Variants in ABCC4 observed in about 807,000 individuals in gnomAD.
ABCC4 encodes the protein ATP-binding cassette sub-family C member 4.
In ABCC4, 102 loss-of-function variants were observed where a neutral mutation model predicts 168.5. The ratio of observed to expected loss-of-function variants is 0.61; its 90% CI spans 0.52 to 0.71. The LOEUF (loss-of-function observed/expected upper bound fraction) is 0.71, where lower values mean the gene tolerates loss of function less well. Among genes scored for constraint, ABCC4 ranks in the 30% least tolerant of loss-of-function variants. ABCC4 has a pLI of 0.00. For synonymous variants in ABCC4, 617 were observed against 590.7 expected (o/e 1.04, Z -0.65); for missense variants, 1,402 against 1,605.8 (o/e 0.87, Z 2.17).
intron 3 of ABCC4, among the ~76,000 whole-genome samples, chr13:95,239,844 T>C (rs2039881609): frequency 6.6e-6 from 1 of 152,240 alleles, no homozygotes; most frequent in Non-Finnish European, 1.5e-5. Flanking sequence ...GAGTTGATAA[T>C]GGCAAAGTTT....
intron 12 of ABCC4, 52 bp from the exon 13 acceptor site, chr13:95,177,845 C>T: frequency 6.5e-7 from 1 of 1,546,544 alleles, no homozygotes; most frequent in South Asian, 1.1e-5. Context: ...TGACAACTTT[C>T]AACAACTGGG....
intron 20 of ABCC4, among the ~76,000 whole-genome samples, chr13:95,088,460 G>C (rs2034327957): frequency 6.6e-6 from 1 of 152,122 alleles, no homozygotes; most frequent in South Asian, 2.1e-4. Context: ...CACTTTTCAA[G>C]TGCATCTTTA....
intron 4 of ABCC4, among the ~76,000 whole-genome samples, chr13:95,224,769 G>C (rs1170207939): frequency 2.0e-5 from 3 of 151,718 alleles, no homozygotes; most frequent in Admixed American, 2.0e-4. Context: ...AATGCTAATA[G>C]ATGTTTTACA....
intron 9 of ABCC4, among the ~76,000 whole-genome samples, chr13:95,191,818 G>C (rs2038259992): frequency 6.6e-6 from 1 of 152,092 alleles, no homozygotes; most frequent in Non-Finnish European, 1.5e-5. Context: ...TTCAGTTTTG[G>C]CTGCAAAAGA....
intron 8 of ABCC4, among the ~76,000 whole-genome samples, chr13:95,199,751 A>G (rs1004244138): frequency 5.9e-5 from 9 of 152,202 alleles, no homozygotes; most frequent in Non-Finnish European, 8.8e-5. Flanking sequence ...TGGGCCCCCA[A>G]TGCATTCCCC....
intron 1 of ABCC4, among the ~76,000 whole-genome samples, chr13:95,275,025 C>T (rs1421062262): frequency 3.3e-5 from 5 of 152,064 alleles, no homozygotes; most frequent in Admixed American, 2.0e-4. Context: ...TGCAGTGAGC[C>T]GAGATTGTGC....
rs1566355114 is a variant in ABCC4, at chr13:95,029,180, A to ATCTATATC, written c.3870+5424_3870+5425insGATATAGA. On this transcript the variant is annotated intron_variant, in intron 30 of 30. Coordinates refer to ENST00000645237, the MANE Select transcript of ABCC4 (RefSeq NM_005845.5). ...TTAAAAAAAATACATATATATATAT[A>ATCTATATC]TATATATATATATATATATATATAT... Among the ~76,000 whole-genome samples the ATCTATATC allele has an allele frequency of 8.9e-3, 367 of 41,392 alleles. 5 individuals are homozygous for ATCTATATC. Among genetic ancestry groups the ATCTATATC allele is most frequent in the African/African-American group, 0.019 (214 of 11,066 alleles). The allele number at this position is 41,392 out of a possible 152,430, so 27.2% of individuals were successfully genotyped here.
chr13:95,148,397 T>A (rs538724543), intron 19 of ABCC4, among the ~76,000 whole-genome samples: 2 of 152,310 alleles, frequency 1.3e-5, no homozygotes, highest in African/African-American at 4.8e-5. Context: ...CATATAGTGA[T>A]TTAAATCCCC....
At chr13:95,031,489 TC>T (rs1367681448) in intron 30 of ABCC4, among the ~76,000 whole-genome samples, 1 of 152,176 alleles carries the variant, frequency 6.6e-6, no homozygotes, top group Non-Finnish European at 1.5e-5. Flanking sequence ...TGACCCAACA[TC>T]CTCATCAATA....
At chr13:95,073,504 TA>T (rs2033800069) in intron 23 of ABCC4, 200 bp from the exon 24 acceptor site, 11 of 385,880 alleles carry the variant, frequency 2.9e-5, no homozygotes, top group Non-Finnish European at 4.6e-5. Flanking sequence ...GAAAAATTTT[TA>T]GATGATTTTA....
chr13:95,190,417 T>G (rs1191813848), intron 9 of ABCC4, among the ~76,000 whole-genome samples: 1 of 152,194 alleles, frequency 6.6e-6, no homozygotes, highest in Non-Finnish European at 1.5e-5. Flanking sequence ...TCTAAATATT[T>G]TCAATTGAGA....
rs2033868821 is a variant in ABCC4 at position 95,075,535 on chromosome 13, A to T, written c.2703T>A (p.Phe901Leu). 1.2e-6 allele frequency: 2 copies of T among 1,613,980 alleles called. No individual in the cohort carries two copies. Among genetic ancestry groups the T allele is most frequent in the Non-Finnish European group, 1.7e-6 (2 of 1,179,984 alleles). The change falls in exon 22 of 31, where the codon TTT becomes TTA. Residue 901 changes from phenylalanine to leucine, a missense_variant. Physicochemically the swap from Phe to Leu is conservative, Grantham distance 22. Transcript: ENST00000645237. Reference sequence around the variant, plus strand: ...CCTGGAGAGAAGATGATAAGTGGGAAAACACTGGACTCCGAGCTGGGGAAA... The same window carrying T: ...CCTGGAGAGAAGATGATAAGTGGGATAACACTGGACTCCGAGCTGGGGAAA... The part of the protein sequence containing the change: ...RLESTTRSPV[F>L]SHLSSSLQGL...
intron 19 of ABCC4, among the ~76,000 whole-genome samples, chr13:95,149,673 A>T: frequency 6.6e-6 from 1 of 152,236 alleles, no homozygotes; most frequent in East Asian, 1.9e-4. Context: ...ACTGCTGCTG[A>T]TCAAGGCGTG....
chr13:95,266,533 T>C (rs955941317), intron 1 of ABCC4, among the ~76,000 whole-genome samples: 2 of 152,212 alleles, frequency 1.3e-5, no homozygotes, highest in African/African-American at 4.8e-5. Flanking sequence ...ACAGTGCTGT[T>C]ATCACCATTC....
At chr13:95,281,513 T>C (rs2041126131) in intron 1 of ABCC4, among the ~76,000 whole-genome samples, 1 of 152,012 alleles carries the variant, frequency 6.6e-6, no homozygotes, top group Admixed American at 6.6e-5. Flanking sequence ...TGCTTGTCTG[T>C]AGTAATTCAG....
intron 19 of ABCC4, among the ~76,000 whole-genome samples, chr13:95,126,742 T>TTCCA (rs1566443665): frequency 9.2e-5 from 10 of 108,482 alleles, no homozygotes; most frequent in Admixed American, 2.4e-4. Flanking sequence ...TATATATATA[T>TTCCA]ATATATATAT....
At chr13:95,207,707 T>A (rs946225949) in intron 7 of ABCC4, 93 bp downstream of exon 7, 9 of 1,376,588 alleles carry the variant, frequency 6.5e-6, no homozygotes, top group Non-Finnish European at 9.0e-6. Flanking sequence ...GAACTTCCCA[T>A]AATGTGAAAA....
At position 95,178,083 on chromosome 13, in the gene ABCC4, C is replaced by A; in HGVS notation, c.1554G>T (p.Gln518His). ...CAGTCAGATCACCATCCTCCAACAG[C>A]TGTAAATCCTGTATGGACAAAGGAA... Reference protein sequence around the residue: ...IKACALKKDLQLLEDGDLTVI... With the variant: ...IKACALKKDLHLLEDGDLTVI... The change falls in exon 12 of 31, where the codon CAG becomes CAT. Residue 518 changes from glutamine to histidine, a missense_variant. Gln to His is a conservative substitution (Grantham distance 24, BLOSUM62 0). Around this residue, in one of 3 missense-constraint regions of ABCC4, gnomAD observed 1,007 missense variants for 1,127.3 expected, o/e 0.89. Transcript: ENST00000645237. 2 of 1,614,064 alleles carry A rather than the reference C, an allele frequency of 1.2e-6. No homozygotes were observed. Among genetic ancestry groups the A allele is most frequent in the Non-Finnish European group, 1.7e-6 (2 of 1,179,894 alleles).
chr13:95,210,081 GATGA>G (rs1649488136), intron 5 of ABCC4, among the ~76,000 whole-genome samples: 1 of 152,242 alleles, frequency 6.6e-6, no homozygotes, highest in South Asian at 2.1e-4. Flanking sequence ...AGTTCATTCT[GATGA>G]ATGAATAATT....
Sources: allele counts gnomAD v4.1 joint callset (sites outside exome capture counted in the v4.1 genomes callset), GRCh38; gene constraint gnomAD v4.1.1; regional missense constraint gnomAD v4.1.1; transcripts MANE v1.5; gene names NCBI Gene and HGNC (gene_info 2026-07-23, HGNC 2026-07-21).